The following HECW2 variants were observed in gnomAD, a reference collection of about 807,000 sequenced individuals.
HECW2 encodes E3 ubiquitin-protein ligase HECW2.
A neutral mutation model predicts 175.2 loss-of-function variants in HECW2; 61 were observed. The observed-to-expected ratio is 0.35, with a 90% CI of 0.28 to 0.43. The LOEUF is 0.43. Among genes scored for constraint, HECW2 ranks in the 20% least tolerant of loss-of-function variants. The pLI, the probability that HECW2 is intolerant of heterozygous loss-of-function variation, is 1.00. For missense variants in HECW2, 1,524 were observed against 2,000.5 expected (o/e 0.76, Z 4.54); for synonymous variants, 671 against 731.0 (o/e 0.92, Z 1.32).
At chr2:196,504,122 C>T (rs1687668311) in intron 1 of HECW2, among the ~76,000 whole-genome samples, 1 of 152,082 alleles carries the variant, frequency 6.6e-6, no homozygotes. Context: ...ATAGTGTAAC[C>T]TCATCACCAC....
intron 28 of HECW2, among the ~76,000 whole-genome samples, chr2:196,206,146 G>C (rs1350306268): frequency 6.6e-6 from 1 of 152,166 alleles, no homozygotes; most frequent in Admixed American, 6.5e-5. Flanking sequence ...AGTGCATCCA[G>C]CTATTCAGTC....
At chr2:196,255,124 C>A (rs1689006906) in intron 18 of HECW2, among the ~76,000 whole-genome samples, 1 of 149,272 alleles carries the variant, frequency 6.7e-6, no homozygotes, top group Non-Finnish European at 1.5e-5. Flanking sequence ...AGGTGCGAGT[C>A]ACCACGTTCA....
At chr2:196,520,729 T>C (rs77843550) in intron 1 of HECW2, among the ~76,000 whole-genome samples, 2,014 of 152,290 alleles carry the variant, frequency 0.013, 21 homozygotes, top group Middle Eastern at 0.041. Flanking sequence ...GTTTTTCCAC[T>C]GTAGCTTTTA....
chr2:196,281,372 T>C (rs1227544623), intron 14 of HECW2, among the ~76,000 whole-genome samples: 1 of 152,098 alleles, frequency 6.6e-6, no homozygotes, highest in African/African-American at 2.4e-5. Flanking sequence ...GCGCGATGGC[T>C]CACACCTGTA....
intron 1 of HECW2, among the ~76,000 whole-genome samples, chr2:196,478,755 G>A (rs1686746311): frequency 6.6e-6 from 1 of 152,024 alleles, no homozygotes. Flanking sequence ...TCCTCTCTAT[G>A]TCATGGGAAT....
intron 1 of HECW2, among the ~76,000 whole-genome samples, chr2:196,492,859 C>T (rs991954621): frequency 1.3e-5 from 2 of 152,136 alleles, no homozygotes; most frequent in Non-Finnish European, 2.9e-5. Flanking sequence ...CAAAATTCAA[C>T]AGACTCATTT....
intron 1 of HECW2, among the ~76,000 whole-genome samples, chr2:196,536,377 C>T (rs898920593): frequency 3.9e-5 from 6 of 152,148 alleles, no homozygotes; most frequent in Non-Finnish European, 5.9e-5. Context: ...GTAAAGGCCA[C>T]TGGACTACAT....
At chr2:196,418,620 C>T (rs371048175) in intron 2 of HECW2, among the ~76,000 whole-genome samples, 7 of 152,070 alleles carry the variant, frequency 4.6e-5, no homozygotes, top group South Asian at 2.1e-4. Context: ...TGCACATTTT[C>T]GGAAACAAGA....
chr2:196,342,390 G>A (rs1692787146), intron 3 of HECW2, among the ~76,000 whole-genome samples: 1 of 142,686 alleles, frequency 7.0e-6, no homozygotes, highest in African/African-American at 2.6e-5. Context: ...GGCAACAAGA[G>A]CTAAACTCCG....
chr2:196,485,497 C>A (rs1036004692), intron 1 of HECW2, among the ~76,000 whole-genome samples: 3 of 152,150 alleles, frequency 2.0e-5, no homozygotes, highest in Non-Finnish European at 2.9e-5. Context: ...CAAGATGGTG[C>A]CTTGTTGTGT....
chr2:196,366,125 A>T (rs1459245081), intron 2 of HECW2, among the ~76,000 whole-genome samples: 2 of 152,210 alleles, frequency 1.3e-5, no homozygotes, highest in Non-Finnish European at 2.9e-5. Flanking sequence ...CTAGATGAGG[A>T]AACTGAGCTC....
At chr2:196,211,422 A>C (rs1023867677) in intron 28 of HECW2, among the ~76,000 whole-genome samples, 10 of 152,170 alleles carry the variant, frequency 6.6e-5, no homozygotes, top group Non-Finnish European at 1.2e-4. Context: ...GAAGCAGAGG[A>C]AGTGCAGTCA....
chr2:196,521,463 TATTTTATTTTATTTC>T (rs1688382450), intron 1 of HECW2, among the ~76,000 whole-genome samples: 1 of 151,974 alleles, frequency 6.6e-6, no homozygotes, highest in Non-Finnish European at 1.5e-5. Context: ...CATTTTATTT[TATTTTATTTTATTTC>T]ATTTTATTTT....
intron 1 of HECW2, among the ~76,000 whole-genome samples, chr2:196,491,310 C>A (rs978440083): frequency 6.6e-6 from 1 of 151,048 alleles, no homozygotes; most frequent in African/African-American, 2.4e-5. Flanking sequence ...GAGTTCAAGA[C>A]CAGCCCTGCC....
intron 1 of HECW2, among the ~76,000 whole-genome samples, chr2:196,513,179 T>A (rs1688016038): frequency 6.6e-6 from 1 of 152,200 alleles, no homozygotes; most frequent in Admixed American, 6.5e-5. Context: ...TGTAAGTAAA[T>A]GTTGCTGTCT....
intron 17 of HECW2, chr2:196,260,305 A>G (rs908995007): frequency 6.6e-6 from 1 of 152,216 alleles, no homozygotes; most frequent in African/African-American, 2.4e-5. Flanking sequence ...CATCACAATG[A>G]CAAGCTATGG....
At chr2:196,592,772 C>G (rs1175779653) in intron 1 of HECW2, 1 of 151,916 alleles carries the variant, frequency 6.6e-6, no homozygotes, top group Non-Finnish European at 1.5e-5. Flanking sequence ...GCGCGCTCAC[C>G]TGGGCTTTGC....
chr2:196,367,037 T>C (rs1316046301), intron 2 of HECW2, among the ~76,000 whole-genome samples: 1 of 152,208 alleles, frequency 6.6e-6, no homozygotes, highest in African/African-American at 2.4e-5. Context: ...CCTTTTCCAA[T>C]AATGCTTTGC....
At chr2:196,212,608 T>C (rs1428744858) in intron 28 of HECW2, among the ~76,000 whole-genome samples, 12 of 152,196 alleles carry the variant, frequency 7.9e-5, no homozygotes, top group Admixed American at 7.9e-4. Flanking sequence ...GATGGGCATT[T>C]AGGTTGATTC....
Sources: allele counts gnomAD v4.1 joint callset (sites outside exome capture counted in the v4.1 genomes callset), GRCh38; gene constraint gnomAD v4.1.1; transcripts MANE v1.5; gene names NCBI Gene and HGNC (gene_info 2026-07-23, HGNC 2026-07-21).